Variants in MRTFB observed in about 807,000 individuals in gnomAD.
MRTFB encodes the protein myocardin-related transcription factor B.
In MRTFB, 29 loss-of-function variants were observed where a neutral mutation model predicts 104.2. The observed-to-expected ratio is 0.28, with a 90% CI of 0.21 to 0.38. MRTFB has a LOEUF of 0.38. Among genes scored for constraint, MRTFB ranks in the 10% least tolerant of loss-of-function variants. The pLI is 1.00. For synonymous variants in MRTFB, 535 were observed against 519.5 expected (o/e 1.03, Z -0.41); for missense variants, 1,270 against 1,341.6 (o/e 0.95, Z 0.83).
chr16:14,054,643 G>A, the MRTFB span, among the ~76,000 whole-genome samples: 2 of 152,158 alleles, frequency 1.3e-5, no homozygotes, highest in South Asian at 2.1e-4. Context: ...TTTGTACTTT[G>A]TTTTGGTCTA....
At chr16:14,091,648 A>G (rs983069905) in intron 2 of MRTFB, among the ~76,000 whole-genome samples, 6 of 152,184 alleles carry the variant, frequency 3.9e-5, no homozygotes, top group Non-Finnish European at 8.8e-5. Flanking sequence ...CACTCTAGGC[A>G]TATGGGTTGG....
At chr16:14,060,194 A>G in the MRTFB span, among the ~76,000 whole-genome samples, 1 of 151,746 alleles carries the variant, frequency 6.6e-6, no homozygotes, top group Non-Finnish European at 1.5e-5. Flanking sequence ...TTTAGTAGAG[A>G]CAGGATTTCA....
At chr16:14,010,579 G>T in the MRTFB span, among the ~76,000 whole-genome samples, 1 of 152,134 alleles carries the variant, frequency 6.6e-6, no homozygotes, top group South Asian at 2.1e-4. Context: ...GGGATTACAG[G>T]TGCGTGCCAC....
At chr16:14,077,244 C>G (rs185600605) in intron 1 of MRTFB, among the ~76,000 whole-genome samples, 48 of 152,268 alleles carry the variant, frequency 3.2e-4, no homozygotes, top group Non-Finnish European at 6.2e-4. Flanking sequence ...ATTTTAACAC[C>G]TAAATCTCTG....
chr16:13,999,409 A>G, the MRTFB span, among the ~76,000 whole-genome samples: 1 of 151,396 alleles, frequency 6.6e-6, no homozygotes, highest in African/African-American at 2.4e-5. Context: ...TTCACTTCCT[A>G]TCTCCACACC....
chr16:14,127,929 A>ATATATATATATAT (rs1393344981), intron 2 of MRTFB, among the ~76,000 whole-genome samples: 1 of 44,638 alleles, frequency 2.2e-5, no homozygotes, highest in African/African-American at 1.8e-4. Context: ...ATATATATAT[A>ATATATATATATAT]TTTTTTTTTT....
intron 8 of MRTFB, among the ~76,000 whole-genome samples, chr16:14,229,246 C>G (rs867627167): frequency 3.3e-5 from 5 of 152,026 alleles, no homozygotes; most frequent in African/African-American, 1.2e-4. Flanking sequence ...CTTATAGGAA[C>G]AAATAGTCAG....
chr16:14,229,574 G>A (rs2151291490), intron 8 of MRTFB, among the ~76,000 whole-genome samples: 1 of 152,300 alleles, frequency 6.6e-6, no homozygotes, highest in South Asian at 2.1e-4. Flanking sequence ...ACTGGCCCTT[G>A]TCCTGTGTAC....
chr16:14,103,248 T>TC (rs2035790968), intron 2 of MRTFB, among the ~76,000 whole-genome samples: 1 of 152,194 alleles, frequency 6.6e-6, no homozygotes. Context: ...CTTACTCATC[T>TC]CCATATCCCA....
intron 3 of MRTFB, among the ~76,000 whole-genome samples, chr16:14,196,611 T>A (rs574079719): frequency 1.2e-4 from 19 of 152,358 alleles, no homozygotes; most frequent in African/African-American, 4.3e-4. Context: ...TTGATGTTGT[T>A]GCTCCCTTTT....
chr16:14,251,717 C>A, intron 13 of MRTFB, 145 bp from the exon 14 acceptor site: 1 of 771,842 alleles, frequency 1.3e-6, no homozygotes, highest in Non-Finnish European at 2.0e-6. Flanking sequence ...ACAACAGAGG[C>A]CAGGTGACCC....
At chr16:14,085,270 AC>A (rs2034628259) in intron 2 of MRTFB, among the ~76,000 whole-genome samples, 1 of 152,080 alleles carries the variant, frequency 6.6e-6, no homozygotes, top group African/African-American at 2.4e-5. Flanking sequence ...AGCCTGGCCA[AC>A]ATGGTGGAAC....
the MRTFB span, among the ~76,000 whole-genome samples, chr16:13,996,324 T>C: frequency 6.6e-6 from 1 of 151,738 alleles, no homozygotes; most frequent in South Asian, 2.1e-4. Flanking sequence ...CAGGCTTCTC[T>C]GAGAAGGCAA....
intron 3 of MRTFB, among the ~76,000 whole-genome samples, chr16:14,183,842 T>G (rs751783908): frequency 1.3e-5 from 2 of 152,132 alleles, no homozygotes; most frequent in Non-Finnish European, 2.9e-5. Flanking sequence ...ATAATGTGTT[T>G]TCTTATTGGG....
At chr16:14,097,821 G>T (rs1456509397) in intron 2 of MRTFB, among the ~76,000 whole-genome samples, 3 of 152,154 alleles carry the variant, frequency 2.0e-5, no homozygotes, top group Non-Finnish European at 4.4e-5. Context: ...TTGTATAAGT[G>T]GAATCATGTT....
At chr16:14,213,695 A>G (rs913496340) in intron 6 of MRTFB, 75 bp downstream of exon 6, 3 of 1,156,464 alleles carry the variant, frequency 2.6e-6, no homozygotes, top group Non-Finnish European at 3.7e-6. Context: ...ATTTCTGTTT[A>G]TTCCCATTTT....
the MRTFB span, among the ~76,000 whole-genome samples, chr16:14,012,639 C>A: frequency 1.3e-5 from 2 of 152,100 alleles, no homozygotes; most frequent in African/African-American, 4.8e-5. Flanking sequence ...ATCCTCAGGA[C>A]AACTCTGAGA....
intron 3 of MRTFB, among the ~76,000 whole-genome samples, chr16:14,173,197 T>C (rs569357046): frequency 1.2e-4 from 18 of 152,176 alleles, no homozygotes; most frequent in Non-Finnish European, 1.6e-4. Context: ...TTGCCTTGGA[T>C]GTTTTCATTT....
At chr16:14,231,671 T>A (rs998632885) in intron 8 of MRTFB, among the ~76,000 whole-genome samples, 10 of 152,178 alleles carry the variant, frequency 6.6e-5, no homozygotes, top group Admixed American at 5.9e-4. Context: ...ACTACTGTAA[T>A]GGCCCCCAGC....
Sources: allele counts gnomAD v4.1 joint callset (sites outside exome capture counted in the v4.1 genomes callset), GRCh38; gene constraint gnomAD v4.1.1; transcripts MANE v1.5; gene names NCBI Gene and HGNC (gene_info 2026-07-23, HGNC 2026-07-21).